The following CDK1 variants were observed in gnomAD, a reference collection of about 807,000 sequenced individuals.
CDK1 encodes the protein cyclin dependent kinase 1, also known as cyclin-dependent kinase 1.
In CDK1, 5 loss-of-function variants were observed where a neutral mutation model predicts 34.6. The observed-to-expected ratio is 0.14, with a 90% CI of 0.08 to 0.30. The LOEUF is 0.30. Among genes scored for constraint, CDK1 ranks in the 10% least tolerant of loss-of-function variants. The pLI is 1.00. For synonymous variants in CDK1, 108 were observed against 114.7 expected (o/e 0.94, Z 0.37); for missense variants, 157 against 345.7 (o/e 0.45, Z 4.33).
intron 5 of CDK1, 78 bp downstream of exon 5, chr10:60,788,308 G>A: frequency 9.6e-7 from 1 of 1,039,186 alleles, no homozygotes; most frequent in Non-Finnish European, 1.4e-6. Context: ...TGAAAGTCAA[G>A]AAATAACTCA....
At position 60,791,893 on chromosome 10, in the gene CDK1, G is replaced by A; in HGVS notation, c.493G>A (p.Val165Ile). Reference protein sequence around the residue: ...IPIRVYTHEVVTLWYRSPEVL... With the variant: ...IPIRVYTHEVITLWYRSPEVL... ...GTAAAAATTTGCTTTTTAATAGGTA[G>A]TAACACTCTGGTACAGATCTCCAGA... The change falls in exon 6 of 8, where the codon GTA becomes ATA. Residue 165 changes from valine (V) to isoleucine (I), a missense_variant. By Grantham distance (29) the Val-to-Ile change is conservative. Transcript: ENST00000395284. 6.2e-7 allele frequency: 1 copy of A among 1,601,184 alleles called. No homozygotes were observed. Among genetic ancestry groups the A allele is most frequent in the Non-Finnish European group, 8.5e-7 (1 of 1,174,794 alleles).
rs867317733 is a variant in CDK1 at position 60,785,819 on chromosome 10, T to G, written c.318+32T>G. 1.9e-6 allele frequency: 3 copies of G among 1,557,676 alleles called. No individual in the cohort carries two copies. In the African/African-American group the frequency reaches 4.1e-5, roughly 21 times the overall value. On this transcript the variant is annotated intron_variant, in intron 4 of 7. Transcript: ENST00000395284. ...GCTTAACTAATTTTATTAATATTTA[T>G]GCACTGTGGATATAAAGGGACTATA...
chr10:60,783,178 A>G (rs549512427), intron 2 of CDK1, among the ~76,000 whole-genome samples: 90 of 152,294 alleles, frequency 5.9e-4, no homozygotes, highest in African/African-American at 2.1e-3. Context: ...TAAGTATATG[A>G]AGGTTGCCTA....
At chr10:60,791,684 G>GCTT (rs1435375984) in intron 5 of CDK1, among the ~76,000 whole-genome samples, 1 of 152,006 alleles carries the variant, frequency 6.6e-6, no homozygotes, top group Non-Finnish European at 1.5e-5. Context: ...TATTTATTAT[G>GCTT]CTTTTATCTG....
At chr10:60,787,620 T>C (rs1180746543) in intron 4 of CDK1, 4 of 152,114 alleles carry the variant, frequency 2.6e-5, no homozygotes, top group African/African-American at 9.7e-5. Flanking sequence ...AAATATATAA[T>C]CATAATATCT....
At chr10:60,785,559 C>G in intron 3 of CDK1, 105 bp from the exon 4 acceptor site, 1 of 695,886 alleles carries the variant, frequency 1.4e-6, no homozygotes. Flanking sequence ...TACGTCTTCC[C>G]CAGTTTTTAT....
intron 4 of CDK1, chr10:60,786,217 A>G (rs1456240664): frequency 1.3e-5 from 12 of 914,298 alleles, no homozygotes; most frequent in Non-Finnish European, 1.4e-5. Flanking sequence ...ACTGAAGTAT[A>G]TAAAAGTGTC....
At chr10:60,785,860 A>G (rs2080311479) in intron 4 of CDK1, 73 bp downstream of exon 4, 3 of 1,378,796 alleles carry the variant, frequency 2.2e-6, no homozygotes, top group African/African-American at 3.0e-5. Context: ...AAGTCCCTGC[A>G]TTTTGTGGGA....
rs2080368927 is a variant in CDK1 at position 60,792,650 on chromosome 10, A to G, written c.795+361A>G. ...CTAGACGTGTTTTTCTTATTGGTTGATATTTTAAATTATTAAAGCCATCTT... is the reference window on the plus strand; with the variant it reads ...CTAGACGTGTTTTTCTTATTGGTTGGTATTTTAAATTATTAAAGCCATCTT... On this transcript the variant is annotated intron_variant, in intron 7 of 7. Transcript: ENST00000395284. Among the ~76,000 whole-genome samples, 3 of 151,852 alleles carry G rather than the reference A, an allele frequency of 2.0e-5. 1 individual carries two copies. In the South Asian group the frequency reaches 6.2e-4, roughly 31 times the overall value.
intron 2 of CDK1, among the ~76,000 whole-genome samples, chr10:60,780,888 G>A (rs2080267265): frequency 6.6e-6 from 1 of 151,978 alleles, no homozygotes; most frequent in Admixed American, 6.6e-5. Flanking sequence ...GTTTATATAG[G>A]TTCTGCCAGA....
chr10:60,792,865 A>G (rs1242977621), intron 7 of CDK1, among the ~76,000 whole-genome samples: 1 of 152,114 alleles, frequency 6.6e-6, no homozygotes, highest in Non-Finnish European at 1.5e-5. Flanking sequence ...TCTAGCCACA[A>G]TTGACATATC....
At chr10:60,782,939 T>C (rs1165142470) in intron 2 of CDK1, among the ~76,000 whole-genome samples, 1 of 152,170 alleles carries the variant, frequency 6.6e-6, no homozygotes, top group East Asian at 1.9e-4. Flanking sequence ...TAATTGTTAA[T>C]TCTGAAAATT....
At chr10:60,788,340 G>C (rs2456772) in intron 5 of CDK1, 110 bp downstream of exon 5, 535,487 of 718,564 alleles carry the variant, frequency 0.75, 200,631 homozygotes, top group East Asian at 0.81. Flanking sequence ...CTACTCTGTG[G>C]CAGTATCAAT....
chr10:60,785,469 A>G (rs2080307704), intron 3 of CDK1, among the ~76,000 whole-genome samples, 195 bp from the exon 4 acceptor site: 2 of 152,188 alleles, frequency 1.3e-5, no homozygotes, highest in African/African-American at 2.4e-5. Context: ...CACCTCCTGT[A>G]CAAGGCTTAA....
intron 5 of CDK1, 73 bp from the exon 6 acceptor site, chr10:60,791,817 A>G (rs2080361878): frequency 1.3e-6 from 1 of 782,148 alleles, no homozygotes; most frequent in South Asian, 1.9e-5. Context: ...AGCCCTAATA[A>G]AAATATAAAT....
At chr10:60,793,310 G>C (rs3213079) in intron 7 of CDK1, among the ~76,000 whole-genome samples, 17,807 of 151,908 alleles carry the variant, frequency 0.12, 1,139 homozygotes, top group South Asian at 0.14. Flanking sequence ...TTTTATTTTA[G>C]TATTTCTTAA....
chr10:60,783,747 C>T (rs1278289057), intron 2 of CDK1, among the ~76,000 whole-genome samples: 1 of 152,158 alleles, frequency 6.6e-6, no homozygotes, highest in Non-Finnish European at 1.5e-5. Context: ...CCTCCTCCCT[C>T]CCTGCTATCC....
chr10:60,787,065 T>C (rs1296596378), intron 4 of CDK1: 32 of 984,832 alleles, frequency 3.2e-5, no homozygotes, highest in Non-Finnish European at 3.9e-5. Flanking sequence ...GCTTTATCTT[T>C]TTCCAAATGG....
Position 60,794,265 on chromosome 10 carries a change from T to G in CDK1, c.*290T>G, listed in dbSNP as rs574339655. 264 of 199,024 alleles carry G rather than the reference T, an allele frequency of 1.3e-3. No individual in the cohort carries two copies. Among genetic ancestry groups the G allele is most frequent in the African/African-American group, 6.0e-3 (259 of 43,266 alleles). The allele number at this position is 199,024 out of a possible 1,614,324, so 12.3% of individuals were successfully genotyped here. A position where few individuals can be genotyped will look rare whatever the true frequency, so the allele number is the denominator to read the frequency against. ...TTTGAGTTGGCTTAAATCATCTCAG[T>G]CCTTATGGCAGTTTTATTTTCCTGT... On this transcript the variant is annotated 3_prime_UTR_variant, in exon 8 of 8. Coordinates refer to ENST00000395284, the MANE Select transcript of CDK1 (RefSeq NM_001786.5).
Sources: gnomAD v4.1 joint callset for allele counts (sites outside exome capture counted in the v4.1 genomes callset) on GRCh38, gnomAD v4.1.1 for gene constraint, MANE v1.5 for transcripts, NCBI Gene and HGNC (gene_info 2026-07-23, HGNC 2026-07-21) for gene names.